Variants in CDH1 observed in about 807,000 individuals in gnomAD.
CDH1 encodes the protein cadherin 1.
CDH1 carries 35 observed loss-of-function variants against 84.5 expected under a neutral mutation model. That is an observed-to-expected ratio of 0.41 (90% CI 0.32 to 0.55). The LOEUF is 0.55. Ranked by LOEUF, CDH1 falls within the 20% of genes least tolerant of loss-of-function variation. The pLI, the probability that CDH1 is intolerant of heterozygous loss-of-function variation, is 0.19. For missense variants in CDH1, 994 were observed against 1,126.6 expected, an observed-to-expected ratio of 0.88 and a Z score of 1.68; for synonymous variants, 417 against 439.0, an observed-to-expected ratio of 0.95 and a Z score of 0.63.
chr16:68,764,287 T>G (rs979544979), intron 2 of CDH1, among the ~76,000 whole-genome samples: 2 of 152,102 alleles, frequency 1.3e-5, no homozygotes, highest in African/African-American at 4.8e-5. Flanking sequence ...CAGTCTAAAA[T>G]GGGAGCTGGC....
At chr16:68,805,702 C>T (rs1960636807) in intron 3 of CDH1, among the ~76,000 whole-genome samples, 1 of 152,218 alleles carries the variant, frequency 6.6e-6, no homozygotes, top group Non-Finnish European at 1.5e-5. Flanking sequence ...TCAAGCAATT[C>T]TTCTGCCTCA....
At chr16:68,801,173 G>A (rs540684633) in intron 2 of CDH1, among the ~76,000 whole-genome samples, 16 of 152,188 alleles carry the variant, frequency 1.1e-4, no homozygotes, top group African/African-American at 3.4e-4. Flanking sequence ...GTGCAGTGGC[G>A]CAATCTCAGC....
Position 68,827,248 on chromosome 16 carries a change from G to C in CDH1, c.2165-926G>C, listed in dbSNP as rs553454592. On this transcript the variant is annotated intron_variant, in intron 13 of 15. Transcript: ENST00000261769. Reference sequence around the variant, plus strand: ...ATTGCGCCACTACACTCCAGCCTGGGCAACAGAGTGAGACTCTGTCTCAAA... The same window carrying C: ...ATTGCGCCACTACACTCCAGCCTGGCCAACAGAGTGAGACTCTGTCTCAAA... Among the ~76,000 whole-genome samples the C allele has an allele frequency of 3.9e-5, 6 of 152,096 alleles. No homozygotes were observed. In the South Asian group the frequency reaches 1.2e-3, roughly 32 times the overall value.
At chr16:68,804,824 C>CTTTTTTTTTTTTTT (rs5817653) in intron 3 of CDH1, among the ~76,000 whole-genome samples, 1 of 69,668 alleles carries the variant, frequency 1.4e-5, no homozygotes, top group African/African-American at 6.7e-5. Flanking sequence ...GTAACAAAAT[C>CTTTTTTTTTTTTTT]TTTTTTTTTT....
intron 2 of CDH1, among the ~76,000 whole-genome samples, chr16:68,800,080 C>G (rs546974513): frequency 5.0e-4 from 76 of 151,340 alleles, no homozygotes; most frequent in South Asian, 1.5e-3. Context: ...TGGCTTATGC[C>G]TGTCATCCTA....
At chr16:68,809,251 G>A in intron 5 of CDH1, among the ~76,000 whole-genome samples, 1 of 140,996 alleles carries the variant, frequency 7.1e-6, no homozygotes, top group Admixed American at 7.1e-5. Flanking sequence ...TTGAGATAGG[G>A]TTTCACTCTG....
At chr16:68,743,186 G>C (rs1962611549) in intron 2 of CDH1, among the ~76,000 whole-genome samples, 1 of 152,118 alleles carries the variant, frequency 6.6e-6, no homozygotes. Flanking sequence ...GGTAGCCCCA[G>C]ATACGCCAGA....
At position 68,813,294 on chromosome 16, in the gene CDH1, A is replaced by C. The variant is rs754767606; in HGVS notation, c.1138-19A>C. ...GCAGTCTTGGTACTTTGTAAATGAC[A>C]CATCTCTTTGCTCTGCAGTACAAGG... On this transcript the variant is annotated intron_variant, in intron 8 of 15. Coordinates refer to ENST00000261769, the MANE Select transcript of CDH1 (RefSeq NM_004360.5). The C allele has an allele frequency of 1.2e-6, 2 of 1,613,530 alleles. No homozygotes were observed. Among genetic ancestry groups the C allele is most frequent in the Non-Finnish European group, 8.5e-7 (1 of 1,179,476 alleles).
intron 2 of CDH1, among the ~76,000 whole-genome samples, chr16:68,749,974 AT>A (rs34365412): frequency 2.0e-5 from 3 of 149,832 alleles, no homozygotes; most frequent in East Asian, 2.0e-4. Flanking sequence ...TTATTTTATG[AT>A]TTTTTTTTTA....
chr16:68,738,964 T>TTTTTAAA (rs555202424), intron 2 of CDH1, among the ~76,000 whole-genome samples: 1 of 65,364 alleles, frequency 1.5e-5, no homozygotes, highest in African/African-American at 5.7e-5. Flanking sequence ...TTTTTTTTTT[T>TTTTTAAA]AAAGACAGGG....
rs937155623 is a variant in CDH1 at position 68,811,961 on chromosome 16, A to G, written c.1008+102A>G. The G allele has an allele frequency of 2.0e-6, 3 of 1,469,444 alleles. No individual in the cohort carries two copies. In the African/African-American group the frequency reaches 4.2e-5, roughly 21 times the overall value. The allele number at this position is 1,469,444 out of a possible 1,614,324, so 91.0% of individuals were successfully genotyped here. A position where few individuals can be genotyped will look rare whatever the true frequency, so the allele number is the denominator to read the frequency against. On this transcript the variant is annotated intron_variant, in intron 7 of 15. Coordinates refer to ENST00000261769, the MANE Select transcript of CDH1 (RefSeq NM_004360.5). ...TGCTAGGCCAGTTGTCAGTTAATAC[A>G]GTGATGGTCTAAGCTTTGCATCTAA... is the stretch of plus-strand genomic sequence containing the variant.
intron 2 of CDH1, among the ~76,000 whole-genome samples, chr16:68,784,515 G>A (rs773321502): frequency 1.3e-5 from 2 of 152,036 alleles, no homozygotes; most frequent in Admixed American, 6.6e-5. Context: ...CCTCCCTCTG[G>A]TCTCCTGCAT....
chr16:68,806,176 G>T (rs1960654566), intron 3 of CDH1, among the ~76,000 whole-genome samples: 1 of 146,802 alleles, frequency 6.8e-6, no homozygotes, highest in Non-Finnish European at 1.5e-5. Flanking sequence ...TTTTGAGACA[G>T]AATCTCTCTC....
chr16:68,819,219 GTTTTCAGC>G, intron 10 of CDH1, 53 bp from the exon 11 acceptor site: 1 of 1,596,404 alleles, frequency 6.3e-7, no homozygotes, highest in South Asian at 1.1e-5. Context: ...CGCTTAAGCC[GTTTTCAGC>G]TACATGTTGT....
intron 2 of CDH1, among the ~76,000 whole-genome samples, chr16:68,750,254 C>T (rs149238270): frequency 7.6e-4 from 110 of 145,396 alleles, no homozygotes; most frequent in Non-Finnish European, 1.1e-3. Flanking sequence ...AGCTGAACAG[C>T]GCTTCTCTTC....
intron 2 of CDH1, among the ~76,000 whole-genome samples, chr16:68,758,206 T>G (rs1432768233): frequency 7.1e-6 from 1 of 140,168 alleles, no homozygotes; most frequent in Non-Finnish European, 1.5e-5. Flanking sequence ...TCTTTTTATT[T>G]CTTTTTTTTT....
intron 2 of CDH1, among the ~76,000 whole-genome samples, chr16:68,799,941 CG>C (rs1306055012): frequency 6.6e-6 from 1 of 151,010 alleles, no homozygotes; most frequent in Non-Finnish European, 1.5e-5. Flanking sequence ...ACCCAGGAGG[CG>C]GAGGTTTCAG....
intron 3 of CDH1, among the ~76,000 whole-genome samples, chr16:68,806,537 C>T (rs1960667285): frequency 6.6e-6 from 1 of 152,144 alleles, no homozygotes; most frequent in Non-Finnish European, 1.5e-5. Context: ...GTTTTCCAAC[C>T]AGTCCAACCA....
chr16:68,822,232 A>G lies in CDH1; in HGVS notation c.1936+7A>G. ...ATTCAGTACAACGACCCAAGTGGGT[A>G]CCTGAGTTTTATTTTGGCAACTTTG... is the stretch of plus-strand genomic sequence containing the variant. On this transcript the variant is annotated splice_region_variant and intron_variant, in intron 12 of 15. Coordinates refer to ENST00000261769, the MANE Select transcript of CDH1 (RefSeq NM_004360.5). 1 of 1,609,514 alleles carries G rather than the reference A, an allele frequency of 6.2e-7. No individual in the cohort carries two copies. The highest frequency in any genetic ancestry group is 8.5e-7 in the Non-Finnish European group (1 of 1,175,900).
Sources: gnomAD v4.1 joint callset for allele counts (sites outside exome capture counted in the v4.1 genomes callset) on GRCh38, gnomAD v4.1.1 for gene constraint, MANE v1.5 for transcripts, NCBI Gene and HGNC (gene_info 2026-07-23, HGNC 2026-07-21) for gene names.